The following ALPK1 variants were observed in gnomAD, a reference collection of about 807,000 sequenced individuals.
The protein encoded by ALPK1 is alpha kinase 1, also known as alpha-protein kinase 1.
ALPK1 carries 110 observed loss-of-function variants against 120.6 expected under a neutral mutation model. The ratio of observed to expected loss-of-function variants is 0.91; its 90% CI spans 0.78 to 1.07. The LOEUF is 1.07. Among genes scored for constraint, ALPK1 ranks in the 50% least tolerant of loss-of-function variants. The pLI, the probability that ALPK1 is intolerant of heterozygous loss-of-function variation, is 0.00. For synonymous variants in ALPK1, 582 were observed against 560.3 expected, an observed-to-expected ratio of 1.04 and a Z score of -0.55; for missense variants, 1,498 against 1,483.9, an observed-to-expected ratio of 1.01 and a Z score of -0.16.
chr4:112,320,065 G>T (rs1728800921), intron 2 of ALPK1, among the ~76,000 whole-genome samples: 1 of 152,128 alleles, frequency 6.6e-6, no homozygotes, highest in South Asian at 2.1e-4. Context: ...CTCTGGCTAG[G>T]ACTTCCAGTG....
intron 2 of ALPK1, among the ~76,000 whole-genome samples, chr4:112,332,247 C>T (rs183216348): frequency 4.4e-4 from 67 of 152,252 alleles, no homozygotes; most frequent in African/African-American, 1.4e-3. Context: ...AGGAAGAATA[C>T]CAGTTAATTT....
In ALPK1 at chr4:112,431,043, A is replaced by G; in HGVS notation, c.1496A>G (p.Asn499Ser). 6.2e-7 allele frequency: 1 copy of G among 1,613,564 alleles called. No individual in the cohort carries two copies. Among genetic ancestry groups the G allele is most frequent in the Non-Finnish European group, 8.5e-7 (1 of 1,179,918 alleles). ...ACTGCTCTAAAAACAGAAATAAAAA[A>G]CATAGATACTGTGAGTACTACTCAA... ...CITALKTEIK[N>S]IDTVSTTQEK... Residue 499 changes from asparagine to serine, a missense_variant, in exon 11 of 16, where the codon AAC (asparagine) becomes AGC (serine). Asn to Ser is a conservative substitution (Grantham distance 46). Coordinates refer to ENST00000650871, the MANE Select transcript of ALPK1 (RefSeq NM_025144.4).
intron 2 of ALPK1, chr4:112,358,442 T>A (rs1730750760): frequency 3.1e-6 from 2 of 652,014 alleles, no homozygotes. Context: ...CCCCCTCCTC[T>A]CCACCAGGAA....
intron 14 of ALPK1, among the ~76,000 whole-genome samples, 172 bp downstream of exon 14, chr4:112,440,044 G>T (rs952644390): frequency 6.6e-6 from 1 of 152,146 alleles, no homozygotes; most frequent in African/African-American, 2.4e-5. Flanking sequence ...AGAAAAATAT[G>T]CCCAAAACTT....
At chr4:112,318,964 C>A (rs1364304140) in intron 2 of ALPK1, among the ~76,000 whole-genome samples, 1 of 152,166 alleles carries the variant, frequency 6.6e-6, no homozygotes, top group Non-Finnish European at 1.5e-5. Flanking sequence ...ACCCTCCATG[C>A]CAAGTTCAGG....
intron 2 of ALPK1, among the ~76,000 whole-genome samples, chr4:112,361,656 C>T (rs963377356): frequency 1.6e-4 from 25 of 152,228 alleles, no homozygotes; most frequent in Non-Finnish European, 3.4e-4. Context: ...AGACAAAGGA[C>T]ATACTCTCTT....
chr4:112,329,774 C>T (rs867096507), intron 2 of ALPK1, among the ~76,000 whole-genome samples: 8 of 152,134 alleles, frequency 5.3e-5, no homozygotes, highest in African/African-American at 1.4e-4. Context: ...GGCCATCTGA[C>T]GTGAAATCAC....
intron 4 of ALPK1, among the ~76,000 whole-genome samples, chr4:112,395,299 T>C (rs1398357476): frequency 1.3e-5 from 2 of 152,204 alleles, no homozygotes; most frequent in African/African-American, 4.8e-5. Flanking sequence ...TGTAATCACC[T>C]GCCTGCTTCA....
chr4:112,438,775 C>G (rs1450582046), intron 13 of ALPK1, 129 bp downstream of exon 13: 13 of 1,033,052 alleles, frequency 1.3e-5, no homozygotes, highest in Non-Finnish European at 1.7e-5. Flanking sequence ...TGTCCCTGTA[C>G]TTTCCAAGAG....
intron 4 of ALPK1, among the ~76,000 whole-genome samples, chr4:112,387,065 G>T (rs925228802): frequency 1.3e-5 from 2 of 152,136 alleles, no homozygotes; most frequent in African/African-American, 4.8e-5. Flanking sequence ...AGTATTGAAG[G>T]CATTTAGCGT....
At chr4:112,380,993 T>C (rs1731878423) in intron 3 of ALPK1, among the ~76,000 whole-genome samples, 2 of 152,192 alleles carry the variant, frequency 1.3e-5, no homozygotes, top group Admixed American at 6.5e-5. Flanking sequence ...CTGAAGCCAG[T>C]GGGCCTGAAT....
chr4:112,405,864 A>C (rs975101431), intron 4 of ALPK1, among the ~76,000 whole-genome samples: 3 of 152,110 alleles, frequency 2.0e-5, no homozygotes, highest in African/African-American at 7.2e-5. Context: ...CATGAGCCAC[A>C]ACACTCTGCC....
intron 2 of ALPK1, among the ~76,000 whole-genome samples, chr4:112,368,983 G>A (rs759569061): frequency 1.9e-4 from 29 of 151,576 alleles, no homozygotes; most frequent in Non-Finnish European, 3.8e-4. Flanking sequence ...TCAAGGCAAC[G>A]GCTAGCTTCT....
intron 5 of ALPK1, among the ~76,000 whole-genome samples, chr4:112,420,841 A>AAG (rs141678964): frequency 0.028 from 4,187 of 149,576 alleles, 173 homozygotes; most frequent in African/African-American, 0.09. Flanking sequence ...CATAGAGAGA[A>AAG]AGAGAGAGAG....
At chr4:112,391,580 T>A (rs1340921374) in intron 4 of ALPK1, among the ~76,000 whole-genome samples, 3 of 152,170 alleles carry the variant, frequency 2.0e-5, no homozygotes, top group Non-Finnish European at 4.4e-5. Context: ...CTTAAGCCAG[T>A]GTGACTAGTG....
At position 112,382,414 on chromosome 4, in the gene ALPK1, G is replaced by C; in HGVS notation, c.138G>C (p.Glu46Asp). 8 of 1,612,392 alleles carry C rather than the reference G, an allele frequency of 5.0e-6. No individual in the cohort carries two copies. The highest frequency in any genetic ancestry group is 6.8e-6 in the Non-Finnish European group (8 of 1,179,506). The part of the protein sequence containing the change: ...DQRCRALLPS[E>D]LRTLIQEAKE... ...CCTTTTCAGCTTTACTCCCCAGCGA[G>C]TTAAGGACCCTGATCCAGGAGGCAA... is the stretch of plus-strand genomic sequence containing the variant. The change falls in exon 4 of 16, where the codon GAG becomes GAC. Residue 46 changes from glutamate (E) to aspartate (D), a missense_variant. By Grantham distance (45) the Glu-to-Asp change is conservative. Coordinates refer to ENST00000650871, the MANE Select transcript of ALPK1 (RefSeq NM_025144.4).
At position 112,307,870 on chromosome 4, in the gene ALPK1, T is replaced by A. The variant is rs1360578890; in HGVS notation, c.-152-7931T>A. Among the ~76,000 whole-genome samples, 7 of 152,300 alleles carry A rather than the reference T, an allele frequency of 4.6e-5. No individual in the cohort carries two copies. The East Asian group carries it at 1.3e-3, about 29-fold the overall frequency. On this transcript the variant is annotated intron_variant, in intron 1 of 15. Transcript: ENST00000650871. Reference sequence around the variant, plus strand: ...ATGGTCTTTACAATTTGGCATGTTTTTGCAGTGGCTGGTACTGGTTTTTCC... The same window carrying A: ...ATGGTCTTTACAATTTGGCATGTTTATGCAGTGGCTGGTACTGGTTTTTCC...
At chr4:112,434,575 C>T (rs1560689395) in intron 11 of ALPK1, among the ~76,000 whole-genome samples, 1 of 152,204 alleles carries the variant, frequency 6.6e-6, no homozygotes, top group African/African-American at 2.4e-5. Flanking sequence ...TGGAGACTGC[C>T]CCTACTTTTT....
At chr4:112,355,614 G>T (rs2148713317) in intron 2 of ALPK1, among the ~76,000 whole-genome samples, 1 of 152,340 alleles carries the variant, frequency 6.6e-6, no homozygotes, top group African/African-American at 2.4e-5. Context: ...GGTCGGGGAT[G>T]ACATCAAAGG....
Sources: gnomAD v4.1 joint callset for allele counts (sites outside exome capture counted in the v4.1 genomes callset) on GRCh38, gnomAD v4.1.1 for gene constraint, MANE v1.5 for transcripts, NCBI Gene and HGNC (gene_info 2026-07-23, HGNC 2026-07-21) for gene names.